Variants in ANKRD55 observed in about 807,000 individuals in gnomAD.
ANKRD55 encodes the protein ankyrin repeat domain 55, also known as ankyrin repeat domain-containing protein 55.
A neutral mutation model predicts 60.6 loss-of-function variants in ANKRD55; 41 were observed. That is an observed-to-expected ratio of 0.68 (90% CI 0.53 to 0.88). The LOEUF (loss-of-function observed/expected upper bound fraction) is 0.88, where lower values mean the gene tolerates loss of function less well. Among genes scored for constraint, ANKRD55 ranks in the 40% least tolerant of loss-of-function variants. The pLI is 0.00. For synonymous variants in ANKRD55, 264 were observed against 290.3 expected (o/e 0.91, Z 0.92); for missense variants, 732 against 767.6 (o/e 0.95, Z 0.55).
At chr5:56,106,267 C>T (rs1398040656) in intron 10 of ANKRD55, among the ~76,000 whole-genome samples, 2 of 152,112 alleles carry the variant, frequency 1.3e-5, no homozygotes, top group Admixed American at 1.3e-4. Context: ...TATCCAACTG[C>T]TTTACCACAT....
At chr5:56,140,828 T>A (rs554420230) in intron 7 of ANKRD55, among the ~76,000 whole-genome samples, 2 of 152,122 alleles carry the variant, frequency 1.3e-5, no homozygotes, top group African/African-American at 4.8e-5. Context: ...TTTGGGAGGC[T>A]GAGGCAGGTG....
chr5:56,138,902 A>T (rs1490783070), intron 7 of ANKRD55, among the ~76,000 whole-genome samples: 1 of 152,182 alleles, frequency 6.6e-6, no homozygotes, highest in East Asian at 1.9e-4. Flanking sequence ...TACTTTAATG[A>T]TGGATACATG....
intron 2 of ANKRD55, among the ~76,000 whole-genome samples, chr5:56,228,488 C>T (rs1050461672): frequency 3.3e-5 from 5 of 151,040 alleles, no homozygotes; most frequent in South Asian, 2.1e-4. Flanking sequence ...TGCAGTGGCG[C>T]GATCTTGGCT....
chr5:56,225,585 C>T (rs192401487), intron 2 of ANKRD55, among the ~76,000 whole-genome samples: 74 of 152,268 alleles, frequency 4.9e-4, no homozygotes, highest in African/African-American at 1.4e-3. Flanking sequence ...TTAGAAAACC[C>T]CATCGTCTCA....
At chr5:56,168,411 T>A (rs970345578) in intron 5 of ANKRD55, among the ~76,000 whole-genome samples, 1 of 152,190 alleles carries the variant, frequency 6.6e-6, no homozygotes, top group Admixed American at 6.5e-5. Flanking sequence ...AGGAGACAGC[T>A]CGGTTAACAA....
chr5:56,124,896 G>A (rs577542773), intron 8 of ANKRD55, among the ~76,000 whole-genome samples: 2 of 152,180 alleles, frequency 1.3e-5, no homozygotes, highest in Non-Finnish European at 2.9e-5. Context: ...AAAAAATGGA[G>A]GCTAGGATTT....
chr5:56,214,010 G>GAGAAGC (rs1759743129), intron 2 of ANKRD55, among the ~76,000 whole-genome samples: 1 of 152,270 alleles, frequency 6.6e-6, no homozygotes, highest in Admixed American at 6.5e-5. Flanking sequence ...AAAGGCAAAG[G>GAGAAGC]AGAAGCAGAG....
chr5:56,136,745 A>G (rs187485068), intron 7 of ANKRD55, among the ~76,000 whole-genome samples: 111 of 151,706 alleles, frequency 7.3e-4, no homozygotes, highest in African/African-American at 2.4e-3. Flanking sequence ...ACATAATGAA[A>G]CCTCATCTCT....
At chr5:56,110,213 A>C (rs553530147) in intron 10 of ANKRD55, among the ~76,000 whole-genome samples, 160 of 148,078 alleles carry the variant, frequency 1.1e-3, no homozygotes, top group Non-Finnish European at 1.5e-3. Context: ...CCTGGGAAAC[A>C]CAGTGAAACT....
At position 56,176,169 on chromosome 5, in the gene ANKRD55, A is replaced by G; in HGVS notation, c.295T>C (p.Cys99Arg). 1 of 1,614,208 alleles carries G rather than the reference A, an allele frequency of 6.2e-7. No homozygotes were observed. Among genetic ancestry groups the G allele is most frequent in the Non-Finnish European group, 8.5e-7 (1 of 1,180,036 alleles). Residue 99 changes from cysteine to arginine, a missense_variant, in exon 4 of 12, where the codon TGC (cysteine) becomes CGC (arginine). Cys to Arg is a radical substitution (Grantham distance 180, BLOSUM62 -3). Transcript: ENST00000341048. ...MQDAYGRTSL[C>R]LATYLGWLEG... ...GTCAGTACCAGGTAGGTGGCCAGGC[A>G]TAAACTTGTGCGGCCATAAGCATCC...
intron 5 of ANKRD55, among the ~76,000 whole-genome samples, chr5:56,168,293 T>C (rs1464106718): frequency 1.3e-5 from 2 of 152,232 alleles, no homozygotes; most frequent in South Asian, 2.1e-4. Flanking sequence ...TTCAAAAACA[T>C]TCAATGAAAA....
intron 5 of ANKRD55, among the ~76,000 whole-genome samples, chr5:56,166,275 T>G (rs1331615238): frequency 6.7e-6 from 1 of 150,032 alleles, no homozygotes; most frequent in Non-Finnish European, 1.5e-5. Context: ...CCTTCCTTCC[T>G]TCCTTCGGGT....
chr5:56,222,826 A>T (rs1760003331), intron 2 of ANKRD55, among the ~76,000 whole-genome samples: 1 of 152,218 alleles, frequency 6.6e-6, no homozygotes, highest in Non-Finnish European at 1.5e-5. Context: ...AGAAATGAAC[A>T]AAGCCTCCAA....
chr5:56,203,398 C>G (rs1021923843), intron 2 of ANKRD55, among the ~76,000 whole-genome samples: 3 of 151,896 alleles, frequency 2.0e-5, no homozygotes, highest in Non-Finnish European at 4.4e-5. Flanking sequence ...GCACAACATG[C>G]AGGTTAGTTA....
At chr5:56,135,506 A>T (rs1362034083) in intron 7 of ANKRD55, among the ~76,000 whole-genome samples, 1 of 151,732 alleles carries the variant, frequency 6.6e-6, no homozygotes, top group Non-Finnish European at 1.5e-5. Flanking sequence ...TGTAGCTGGG[A>T]CTACAGGCAT....
intron 11 of ANKRD55, 118 bp downstream of exon 11, chr5:56,102,376 G>A (rs535307344): frequency 9.6e-5 from 64 of 664,110 alleles, no homozygotes; most frequent in South Asian, 6.0e-4. Context: ...GGGCGACAGC[G>A]CAAGACTCCA....
chr5:56,103,807 G>A (rs529524354), intron 10 of ANKRD55, among the ~76,000 whole-genome samples: 2 of 152,182 alleles, frequency 1.3e-5, no homozygotes, highest in South Asian at 4.2e-4. Context: ...AGACTTTAAG[G>A]GTCTTCTGTT....
intron 6 of ANKRD55, among the ~76,000 whole-genome samples, chr5:56,150,003 G>A (rs1000620618): frequency 2.0e-5 from 3 of 151,932 alleles, no homozygotes; most frequent in African/African-American, 4.8e-5. Flanking sequence ...CACCACGCCC[G>A]TTGAATTTTT....
rs534617384 is a variant in ANKRD55, at chr5:56,115,323, A to AT, written c.965+1291dup. Among the ~76,000 whole-genome samples the AT allele has an allele frequency of 1.9e-3, 271 of 141,678 alleles. 2 individuals carry two copies. The highest frequency in any genetic ancestry group is 3.4e-3 in the African/African-American group (134 of 38,966). 92.9% of individuals were successfully genotyped at this position (141,678 alleles called of 152,430 possible). Reference sequence around the variant, plus strand: ...GTAGATGTGGAACCCACTTTATTCTATTTTTTTTTTTTTTTGAGACGGTCT... The same window carrying AT: ...GTAGATGTGGAACCCACTTTATTCTATTTTTTTTTTTTTTTTGAGACGGTCT... On this transcript the variant is annotated intron_variant, in intron 9 of 11. Coordinates refer to ENST00000341048, the MANE Select transcript of ANKRD55 (RefSeq NM_024669.3).
Sources: gnomAD v4.1 joint callset for allele counts (sites outside exome capture counted in the v4.1 genomes callset) on GRCh38, gnomAD v4.1.1 for gene constraint, MANE v1.5 for transcripts, NCBI Gene and HGNC (gene_info 2026-07-23, HGNC 2026-07-21) for gene names.